SGCD: variants seen among roughly 807,000 people sequenced by gnomAD.
SGCD encodes sarcoglycan delta, also known as delta-sarcoglycan.
SGCD carries 18 observed loss-of-function variants against 36.6 expected under a neutral mutation model. The ratio of observed to expected loss-of-function variants is 0.49; its 90% CI spans 0.34 to 0.73. The LOEUF (loss-of-function observed/expected upper bound fraction) is 0.73, where lower values mean the gene tolerates loss of function less well. Ranked by LOEUF, SGCD falls within the 30% of genes least tolerant of loss-of-function variation. The pLI, the probability that SGCD is intolerant of heterozygous loss-of-function variation, is 0.01. For synonymous variants in SGCD, 133 were observed against 130.6 expected, an observed-to-expected ratio of 1.02 and a Z score of -0.12; for missense variants, 387 against 346.7, an observed-to-expected ratio of 1.12 and a Z score of -0.92.
intron 4 of SGCD, 39 bp from the exon 5 acceptor site, chr5:156,589,192 C>A (rs373713550): frequency 2.0e-5 from 28 of 1,400,542 alleles, no homozygotes; most frequent in South Asian, 3.7e-5. Context: ...GTTTAGAAAT[C>A]TATCATTTTC....
the SGCD span, among the ~76,000 whole-genome samples, chr5:155,828,776 T>G: frequency 6.6e-6 from 1 of 152,210 alleles, no homozygotes; most frequent in South Asian, 2.1e-4. Context: ...AACCTCCGCC[T>G]ACTGGGTTCA....
chr5:156,370,443 G>A (rs1406646001), intron 3 of SGCD, among the ~76,000 whole-genome samples: 1 of 152,150 alleles, frequency 6.6e-6, no homozygotes, highest in African/African-American at 2.4e-5. Context: ...TCACAGATGA[G>A]GAAACTGAGA....
At chr5:156,230,623 A>G (rs1008207547) in intron 3 of SGCD, among the ~76,000 whole-genome samples, 3 of 152,014 alleles carry the variant, frequency 2.0e-5, no homozygotes, top group Admixed American at 6.6e-5. Context: ...CAAAGGGTCT[A>G]TGTGTTCTCT....
chr5:155,912,432 G>C (rs138144221), intron 1 of SGCD, among the ~76,000 whole-genome samples: 1 of 152,052 alleles, frequency 6.6e-6, no homozygotes, highest in African/African-American at 2.4e-5. Flanking sequence ...TTAATGATTT[G>C]TGCTTCCTAT....
At chr5:156,246,171 A>G (rs999313823) in intron 3 of SGCD, among the ~76,000 whole-genome samples, 3 of 152,210 alleles carry the variant, frequency 2.0e-5, no homozygotes, top group African/African-American at 4.8e-5. Flanking sequence ...TGGTCCATCC[A>G]CTAAGCATAA....
chr5:156,050,829 A>G (rs1213244129), intron 1 of SGCD, among the ~76,000 whole-genome samples: 1 of 146,424 alleles, frequency 6.8e-6, no homozygotes, highest in Non-Finnish European at 1.5e-5. Flanking sequence ...TTAAAAGTAT[A>G]GCTTCTTATA....
chr5:155,940,990 A>G (rs535029616), intron 1 of SGCD, among the ~76,000 whole-genome samples: 24 of 152,248 alleles, frequency 1.6e-4, no homozygotes, highest in African/African-American at 5.5e-4. Flanking sequence ...GTAATGTATG[A>G]AGAAGAGACA....
chr5:156,671,183 AAAAG>A (rs775180767), intron 7 of SGCD, among the ~76,000 whole-genome samples: 28 of 151,614 alleles, frequency 1.8e-4, no homozygotes, highest in Middle Eastern at 3.4e-3. Context: ...CATTAAAAAA[AAAAG>A]AAAGAAAGAA....
At chr5:156,452,596 A>T (rs190551811) in intron 3 of SGCD, among the ~76,000 whole-genome samples, 5 of 152,166 alleles carry the variant, frequency 3.3e-5, no homozygotes, top group South Asian at 2.1e-4. Context: ...AGTTTTTTAG[A>T]ATACACCTAA....
intron 2 of SGCD, among the ~76,000 whole-genome samples, chr5:156,120,073 A>T (rs1761999039): frequency 6.6e-6 from 1 of 152,194 alleles, no homozygotes; most frequent in Non-Finnish European, 1.5e-5. Flanking sequence ...TTACCATATA[A>T]TAGCATTAAT....
intron 1 of SGCD, among the ~76,000 whole-genome samples, chr5:155,990,036 G>C (rs544807789): frequency 5.3e-5 from 8 of 152,256 alleles, no homozygotes; most frequent in African/African-American, 1.9e-4. Context: ...CCACTTCTGG[G>C]AAACAGCCTT....
chr5:155,957,183 T>C (rs781597896), intron 1 of SGCD, among the ~76,000 whole-genome samples: 2 of 151,774 alleles, frequency 1.3e-5, no homozygotes, highest in Non-Finnish European at 2.9e-5. Context: ...GAAGGAGCAT[T>C]TTGGATGGAG....
chr5:156,216,805 G>T (rs997544358), intron 3 of SGCD, among the ~76,000 whole-genome samples: 1 of 152,212 alleles, frequency 6.6e-6, no homozygotes, highest in South Asian at 2.1e-4. Context: ...GTGGCCGGGC[G>T]TGGTGGCTCA....
chr5:156,742,683 G>A (rs2113093858), intron 7 of SGCD, among the ~76,000 whole-genome samples: 1 of 152,262 alleles, frequency 6.6e-6, no homozygotes, highest in East Asian at 1.9e-4. Flanking sequence ...CTGCAAGCTG[G>A]AGATCCGGGA....
intron 7 of SGCD, among the ~76,000 whole-genome samples, chr5:156,649,470 A>G (rs1444658188): frequency 1.3e-5 from 2 of 152,154 alleles, no homozygotes; most frequent in Admixed American, 1.3e-4. Context: ...CCAAATGTCC[A>G]ACAATGATAG....
At chr5:156,354,991 C>T (rs921385751) in intron 3 of SGCD, among the ~76,000 whole-genome samples, 9 of 152,208 alleles carry the variant, frequency 5.9e-5, no homozygotes, top group South Asian at 4.1e-4. Context: ...TAGAATGACA[C>T]TGTCTATTAA....
chr5:155,905,325 C>T (rs191149513), intron 1 of SGCD, among the ~76,000 whole-genome samples: 35 of 152,206 alleles, frequency 2.3e-4, no homozygotes, highest in Middle Eastern at 3.4e-3. Flanking sequence ...TTATCTAGCA[C>T]ATGGTATAAC....
At position 155,929,230 on chromosome 5, in the gene SGCD, A is replaced by C. The variant is rs140045594; in HGVS notation, c.-282+58806A>C. 3.0e-3 allele frequency among the ~76,000 whole-genome samples: 458 copies of C among 152,228 alleles called. 1 individual carries two copies. The highest frequency in any genetic ancestry group is 0.011 in the African/African-American group (442 of 41,554). ...GTCTGACATGTTCTGTGAGTCTGGAATGATGTCTGATTTTTCTCTTCATTG... is the reference window on the plus strand; with the variant it reads ...GTCTGACATGTTCTGTGAGTCTGGACTGATGTCTGATTTTTCTCTTCATTG... On this transcript the variant is annotated intron_variant, in intron 1 of 9. Transcript: ENST00000517913.
intron 7 of SGCD, among the ~76,000 whole-genome samples, chr5:156,744,968 GC>G (rs1756876513): frequency 6.6e-6 from 1 of 152,152 alleles, no homozygotes; most frequent in South Asian, 2.1e-4. Flanking sequence ...CAACATTCAA[GC>G]CCTAAAGGAG....
Sources: gnomAD v4.1 joint callset for allele counts (sites outside exome capture counted in the v4.1 genomes callset) on GRCh38, gnomAD v4.1.1 for gene constraint, MANE v1.5 for transcripts, NCBI Gene and HGNC (gene_info 2026-07-23, HGNC 2026-07-21) for gene names.